The following USP8 variants were observed in gnomAD, a reference collection of about 807,000 sequenced individuals.
USP8 encodes the protein ubiquitin carboxyl-terminal hydrolase 8.
Under a neutral mutation model 130.0 loss-of-function variants are expected in USP8, and 27 were observed. The observed-to-expected ratio is 0.21, with a 90% CI of 0.15 to 0.29. USP8 has a LOEUF of 0.29. Among genes scored for constraint, USP8 ranks in the 10% least tolerant of loss-of-function variants. The pLI is 1.00. For synonymous variants in USP8, 392 were observed against 444.1 expected, an observed-to-expected ratio of 0.88 and a Z score of 1.48; for missense variants, 1,029 against 1,312.2, an observed-to-expected ratio of 0.78 and a Z score of 3.33.
Position 50,481,560 on chromosome 15 carries a change from A to C in USP8, c.1298A>C (p.Gln433Pro), listed in dbSNP as rs1241096521. ...TCTGAAAGTACAAACCATGAGCAAC[A>C]ATCTCCTCAGAGTGGAAAAGTTATT... ...IKSESTNHEQ[Q>P]SPQSGKVIPD... Residue 433 changes from glutamine to proline, a missense_variant, in exon 11 of 20, where the codon CAA (glutamine) becomes CCA (proline). Physicochemically the swap from Gln to Pro is moderately conservative, Grantham distance 76. Around this residue, in one of 4 missense-constraint regions of USP8, gnomAD observed 486 missense variants for 522.0 expected, o/e 0.93. Coordinates refer to ENST00000307179, the MANE Select transcript of USP8 (RefSeq NM_005154.5). 2.5e-6 allele frequency: 4 copies of C among 1,613,336 alleles called. No individual in the cohort carries two copies. Among genetic ancestry groups the C allele is most frequent in the Non-Finnish European group, 3.4e-6 (4 of 1,179,872 alleles).
chr15:50,483,005 G>T (rs191729006), intron 11 of USP8, among the ~76,000 whole-genome samples: 1 of 152,202 alleles, frequency 6.6e-6, no homozygotes, highest in African/African-American at 2.4e-5. Flanking sequence ...CCCAAATTGG[G>T]GATATGAAGC....
chr15:50,513,753 C>T lies in USP8; in HGVS notation c.*14665C>T, dbSNP rs552550309. The stretch of plus-strand genomic sequence containing the variant: ...GGCAACCAGAAGGGCCAAAACAAAA[C>T]GAACAAAAGACTACCAAGTGTTAAC... On this transcript the variant is annotated 3_prime_UTR_variant, in exon 20 of 20. Transcript: ENST00000307179. The T allele has an allele frequency of 1.3e-5, 2 of 152,272 alleles. No individual in the cohort carries two copies. Among genetic ancestry groups the T allele is most frequent in the South Asian group, 2.1e-4 (1 of 4,822 alleles). 9.4% of individuals were successfully genotyped at this position (152,272 alleles called of 1,614,324 possible). A position where few individuals can be genotyped will look rare whatever the true frequency, so the allele number is the denominator to read the frequency against.
At chr15:50,433,100 G>A (rs1333819421) in intron 1 of USP8, among the ~76,000 whole-genome samples, 2 of 152,118 alleles carry the variant, frequency 1.3e-5, no homozygotes, top group African/African-American at 2.4e-5. Flanking sequence ...AATTAGTGGG[G>A]CATGGTGGCG....
intron 1 of USP8, among the ~76,000 whole-genome samples, chr15:50,438,597 A>G (rs1199084676): frequency 1.3e-5 from 2 of 152,202 alleles, no homozygotes; most frequent in East Asian, 3.8e-4. Flanking sequence ...ATAAATAAAT[A>G]AATAAGAGGA....
chr15:50,512,734 G>A lies in USP8; in HGVS notation c.*13646G>A, dbSNP rs371641840. On this transcript the variant is annotated 3_prime_UTR_variant, in exon 20 of 20. Coordinates refer to ENST00000307179, the MANE Select transcript of USP8 (RefSeq NM_005154.5). The stretch of plus-strand genomic sequence containing the variant: ...TTGAAACCAGGGGGTGGAGGTTGCA[G>A]TGAGCCGAGATCACACCACCGCACT... The A allele has an allele frequency of 1.3e-5, 2 of 152,020 alleles. No homozygotes were observed. The highest frequency in any genetic ancestry group is 4.8e-5 in the African/African-American group (2 of 41,382). The allele number at this position is 152,020 out of a possible 1,614,324, so 9.4% of individuals were successfully genotyped here. A position where few individuals can be genotyped will look rare whatever the true frequency, so the allele number is the denominator to read the frequency against.
intron 5 of USP8, among the ~76,000 whole-genome samples, chr15:50,460,665 T>A (rs966363276): frequency 3.3e-5 from 5 of 152,090 alleles, no homozygotes; most frequent in African/African-American, 1.2e-4. Context: ...AGCTACATCA[T>A]CTCTTTGCTA....
chr15:50,459,057 A>G lies in USP8; in HGVS notation c.393A>G (p.Ala131=). 1 of 1,614,026 alleles carries G rather than the reference A, an allele frequency of 6.2e-7. No individual in the cohort carries two copies. Among genetic ancestry groups the G allele is most frequent in the African/African-American group, 1.3e-5 (1 of 75,056 alleles). ...KLEEKDRQEE[A]QRLQQKRQET... ...AGGAAAAAGACAGGCAGGAGGAAGC[A>G]CAGCGGCTACAACAAAAAAGGCAGG... The change falls in exon 5 of 20, where the codon GCA becomes GCG. Residue 131 remains alanine (A), a synonymous_variant. Coordinates refer to ENST00000307179, the MANE Select transcript of USP8 (RefSeq NM_005154.5).
At chr15:50,448,505 A>G (rs903214629) in intron 3 of USP8, among the ~76,000 whole-genome samples, 1 of 151,650 alleles carries the variant, frequency 6.6e-6, no homozygotes, top group East Asian at 1.9e-4. Context: ...TACCTTTTGC[A>G]TTTTTTAAAG....
intron 12 of USP8, chr15:50,489,391 G>T (rs1188728863): frequency 6.4e-6 from 1 of 155,920 alleles, no homozygotes; most frequent in Admixed American, 6.4e-5. Flanking sequence ...AATACATTAG[G>T]TTTATATTTT....
intron 1 of USP8, among the ~76,000 whole-genome samples, chr15:50,428,356 A>G (rs900780169): frequency 2.6e-5 from 4 of 152,118 alleles, no homozygotes; most frequent in Admixed American, 6.5e-5. Flanking sequence ...AGCTCAGGCA[A>G]TCCACCTGCC....
intron 1 of USP8, among the ~76,000 whole-genome samples, chr15:50,429,229 A>G (rs2049847911): frequency 6.6e-6 from 1 of 152,134 alleles, no homozygotes; most frequent in African/African-American, 2.4e-5. Context: ...TCTTTTTAAT[A>G]GAGTAAAATG....
intron 3 of USP8, among the ~76,000 whole-genome samples, chr15:50,449,130 T>C (rs72738968): frequency 0.035 from 5,404 of 152,324 alleles, 135 homozygotes; most frequent in African/African-American, 0.058. Context: ...AAAATAACAA[T>C]GTTATTTATA....
At chr15:50,498,398 T>G in intron 18 of USP8, 198 bp from the exon 19 acceptor site, 3 of 604,392 alleles carry the variant, frequency 5.0e-6, no homozygotes, top group Non-Finnish European at 8.0e-6. Flanking sequence ...TCATTAAATA[T>G]CCATATGCCT....
chr15:50,428,844 T>C (rs914561767), intron 1 of USP8, among the ~76,000 whole-genome samples: 12 of 152,212 alleles, frequency 7.9e-5, no homozygotes, highest in African/African-American at 2.7e-4. Context: ...TTACAACTTC[T>C]TTTTGACATA....
chr15:50,424,712 T>C (rs1316687775), intron 1 of USP8, 198 bp downstream of exon 1: 5 of 389,112 alleles, frequency 1.3e-5, no homozygotes, highest in South Asian at 1.4e-4. Context: ...GCCATCTACC[T>C]AGGATTGCCA....
At chr15:50,435,833 T>C (rs1437629349) in intron 1 of USP8, among the ~76,000 whole-genome samples, 1 of 152,212 alleles carries the variant, frequency 6.6e-6, no homozygotes, top group African/African-American at 2.4e-5. Context: ...AAGTACAGTC[T>C]TTCTCCTAGA....
chr15:50,472,970 T>A (rs1027654089), intron 8 of USP8, among the ~76,000 whole-genome samples: 1 of 152,108 alleles, frequency 6.6e-6, no homozygotes, highest in Non-Finnish European at 1.5e-5. Context: ...ACAACACATA[T>A]GGCAGTGGTT....
rs113177019 is a variant in USP8 at position 50,429,834 on chromosome 15, G to A, written c.-66+5320G>A. 5.4e-3 allele frequency among the ~76,000 whole-genome samples: 821 copies of A among 152,152 alleles called. 9 individuals are homozygous for A. Among genetic ancestry groups the A allele is most frequent in the African/African-American group, 0.019 (776 of 41,500 alleles). ...TGGGATTGAGAACTATGTTTTTGGT[G>A]CATGTTAAGTACGATCTGGCTCCCT... On this transcript the variant is annotated intron_variant, in intron 1 of 19. Transcript: ENST00000307179.
rs1021011482 is a variant in USP8, at chr15:50,509,543, G to C, written c.*10455G>C. On this transcript the variant is annotated 3_prime_UTR_variant, in exon 20 of 20. Coordinates refer to ENST00000307179, the MANE Select transcript of USP8 (RefSeq NM_005154.5). ...GCGCCTGTAGTCCCAAGCTACTCAG[G>C]AGGCTGAGACAGGAGAATGACTTGA... is the stretch of plus-strand genomic sequence containing the variant. The C allele has an allele frequency of 6.6e-6, 1 of 152,258 alleles. No homozygotes were observed. The highest frequency in any genetic ancestry group is 1.5e-5 in the Non-Finnish European group (1 of 68,158). 9.4% of individuals were successfully genotyped at this position (152,258 alleles called of 1,614,324 possible). A position where few individuals can be genotyped will look rare whatever the true frequency, so the allele number is the denominator to read the frequency against.
Sources: allele counts gnomAD v4.1 joint callset (sites outside exome capture counted in the v4.1 genomes callset), GRCh38; gene constraint gnomAD v4.1.1; regional missense constraint gnomAD v4.1.1; transcripts MANE v1.5; gene names NCBI Gene and HGNC (gene_info 2026-07-23, HGNC 2026-07-21).